ZBTB7C: variants seen among roughly 807,000 people sequenced by gnomAD.
ZBTB7C encodes the protein zinc finger and BTB domain-containing protein 7C.
Under a neutral mutation model 25.7 loss-of-function variants are expected in ZBTB7C, and 8 were observed. The ratio of observed to expected loss-of-function variants is 0.31; its 90% CI spans 0.18 to 0.56. The LOEUF is 0.56. ZBTB7C is among the 20% of genes least tolerant of loss of function. The pLI, the probability that ZBTB7C is intolerant of heterozygous loss-of-function variation, is 0.91. For synonymous variants in ZBTB7C, 394 were observed against 369.0 expected, an observed-to-expected ratio of 1.07 and a Z score of -0.78; for missense variants, 824 against 855.2, an observed-to-expected ratio of 0.96 and a Z score of 0.46.
At chr18:48,076,155 T>G (rs114304270) in intron 3 of ZBTB7C, among the ~76,000 whole-genome samples, 1,975 of 152,178 alleles carry the variant, frequency 0.013, 31 homozygotes, top group African/African-American at 0.04. Flanking sequence ...GGATAATGGG[T>G]CCCCACTAAA....
chr18:48,153,990 CA>C (rs2040758237), intron 3 of ZBTB7C, among the ~76,000 whole-genome samples: 1 of 152,134 alleles, frequency 6.6e-6, no homozygotes. Flanking sequence ...GGCTGTGGCT[CA>C]GGGTCATGGC....
At chr18:48,150,858 A>T (rs2040654887) in intron 3 of ZBTB7C, 2 of 152,218 alleles carry the variant, frequency 1.3e-5, no homozygotes, top group Non-Finnish European at 2.9e-5. Flanking sequence ...GGATTGTGCC[A>T]TCTAAGGACA....
chr18:48,155,688 C>T (rs934275499), intron 3 of ZBTB7C, among the ~76,000 whole-genome samples: 7 of 152,030 alleles, frequency 4.6e-5, no homozygotes, highest in African/African-American at 1.7e-4. Context: ...GAAATGTAAA[C>T]GATTTCCTTC....
chr18:48,339,253 G>T (rs1487710917), intron 1 of ZBTB7C, among the ~76,000 whole-genome samples: 1 of 152,234 alleles, frequency 6.6e-6, no homozygotes, highest in Non-Finnish European at 1.5e-5. Flanking sequence ...TACCCACCTG[G>T]CTGTGACTCT....
intron 3 of ZBTB7C, among the ~76,000 whole-genome samples, chr18:48,063,900 A>G (rs188007909): frequency 6.6e-6 from 1 of 151,674 alleles, no homozygotes; most frequent in East Asian, 1.9e-4. Flanking sequence ...ATAATTATAT[A>G]TAATTTATAA....
intron 4 of ZBTB7C, among the ~76,000 whole-genome samples, chr18:48,038,204 T>C (rs962006925): frequency 2.6e-5 from 4 of 151,998 alleles, no homozygotes; most frequent in African/African-American, 9.7e-5. Context: ...GCTGTCAGCA[T>C]TGCCGGGTGG....
chr18:48,322,433 C>T (rs1405308374), intron 2 of ZBTB7C, among the ~76,000 whole-genome samples: 2 of 152,190 alleles, frequency 1.3e-5, no homozygotes, highest in African/African-American at 2.4e-5. Flanking sequence ...AAACACTGTG[C>T]TATAGCAATG....
At chr18:48,315,228 C>G (rs545858838) in intron 2 of ZBTB7C, among the ~76,000 whole-genome samples, 10 of 152,324 alleles carry the variant, frequency 6.6e-5, no homozygotes, top group African/African-American at 2.4e-4. Context: ...AACTCAGCAA[C>G]AGCTGGAGTT....
At chr18:48,293,749 C>T (rs996537595) in intron 2 of ZBTB7C, among the ~76,000 whole-genome samples, 1 of 152,002 alleles carries the variant, frequency 6.6e-6, no homozygotes, top group Non-Finnish European at 1.5e-5. Context: ...TCAGTCACTT[C>T]GGTCCAGAAC....
intron 2 of ZBTB7C, among the ~76,000 whole-genome samples, chr18:48,337,950 G>A (rs996297843): frequency 5.3e-5 from 8 of 152,210 alleles, no homozygotes; most frequent in African/African-American, 1.9e-4. Flanking sequence ...GGCATAGGAA[G>A]TGAACCCATC....
chr18:48,400,722 A>G (rs906520950), intron 1 of ZBTB7C, among the ~76,000 whole-genome samples: 1 of 152,242 alleles, frequency 6.6e-6, no homozygotes, highest in Admixed American at 6.5e-5. Flanking sequence ...TCTTGGATAT[A>G]CTGGGTTAAA....
chr18:48,230,194 T>G (rs1197954972), intron 2 of ZBTB7C, among the ~76,000 whole-genome samples: 3 of 152,164 alleles, frequency 2.0e-5, no homozygotes, highest in African/African-American at 7.2e-5. Flanking sequence ...CAAACAACAC[T>G]CCCCTGAAGA....
Position 48,218,186 on chromosome 18 carries a change from T to G in ZBTB7C, c.-78-32191A>C, listed in dbSNP as rs544741891. 2.0e-5 allele frequency among the ~76,000 whole-genome samples: 3 copies of G among 152,274 alleles called. No homozygotes were observed. The South Asian group carries it at 6.2e-4, about 32-fold the overall frequency. On this transcript the variant is annotated intron_variant, in intron 2 of 4. Transcript: ENST00000590800. Reference sequence around the variant, plus strand: ...CTTCCCTTGTGGCCTTGGGTACATGTGGTAGTCTCCTGCCACCCTCACCCC... The same window carrying G: ...CTTCCCTTGTGGCCTTGGGTACATGGGGTAGTCTCCTGCCACCCTCACCCC...
chr18:48,346,306 T>C (rs889968257), intron 1 of ZBTB7C, among the ~76,000 whole-genome samples: 7 of 152,256 alleles, frequency 4.6e-5, no homozygotes, highest in African/African-American at 1.7e-4. Flanking sequence ...CTCTTTGCCA[T>C]GCTGAGCATT....
At chr18:48,304,702 A>G (rs1250491560) in intron 2 of ZBTB7C, among the ~76,000 whole-genome samples, 1 of 152,044 alleles carries the variant, frequency 6.6e-6, no homozygotes, top group Non-Finnish European at 1.5e-5. Flanking sequence ...TTAGCTTGCC[A>G]TGGTGGCGCA....
At chr18:48,222,190 C>A (rs1451415220) in intron 2 of ZBTB7C, among the ~76,000 whole-genome samples, 1 of 151,172 alleles carries the variant, frequency 6.6e-6, no homozygotes, top group Non-Finnish European at 1.5e-5. Flanking sequence ...CCCTGCTGCA[C>A]CCTCCCTAGC....
intron 3 of ZBTB7C, among the ~76,000 whole-genome samples, chr18:48,169,621 ACTTT>A (rs1426545153): frequency 1.3e-5 from 2 of 152,238 alleles, no homozygotes; most frequent in Non-Finnish European, 2.9e-5. Flanking sequence ...TGTGCCGTCC[ACTTT>A]CTTCTTTATC....
chr18:48,258,286 T>G (rs536744582), intron 2 of ZBTB7C, among the ~76,000 whole-genome samples: 7 of 152,318 alleles, frequency 4.6e-5, no homozygotes, highest in Non-Finnish European at 1.0e-4. Flanking sequence ...GTAAGACTAC[T>G]TTTATTCACA....
At chr18:48,113,493 C>A (rs928957690) in intron 3 of ZBTB7C, among the ~76,000 whole-genome samples, 2 of 152,242 alleles carry the variant, frequency 1.3e-5, no homozygotes, top group African/African-American at 4.8e-5. Flanking sequence ...AAAGGGCTGG[C>A]AAGAGGCCAG....
Sources: gnomAD v4.1 joint callset for allele counts (sites outside exome capture counted in the v4.1 genomes callset) on GRCh38, gnomAD v4.1.1 for gene constraint, MANE v1.5 for transcripts, NCBI Gene and HGNC (gene_info 2026-07-23, HGNC 2026-07-21) for gene names.